The following MED17 variants were observed in gnomAD, a reference collection of about 807,000 sequenced individuals.
MED17 encodes mediator complex subunit 17.
In MED17, 49 loss-of-function variants were observed where a neutral mutation model predicts 80.8. The ratio of observed to expected loss-of-function variants is 0.61; its 90% CI spans 0.48 to 0.77. The LOEUF (loss-of-function observed/expected upper bound fraction) is 0.77. Ranked by LOEUF, MED17 falls within the 30% of genes least tolerant of loss-of-function variation. The probability of loss-of-function intolerance (pLI) is 0.00; values close to 1 mark genes in which losing one functional copy is unlikely to be tolerated. For synonymous variants in MED17, 281 were observed against 280.4 expected, an observed-to-expected ratio of 1.00 and a Z score of -0.02; for missense variants, 718 against 787.0, an observed-to-expected ratio of 0.91 and a Z score of 1.05.
chr11:93,809,776 A>T lies in MED17; in HGVS notation c.1644A>T (p.Val548=). 6.2e-7 allele frequency: 1 copy of T among 1,614,192 alleles called. No homozygotes were observed. The highest frequency in any genetic ancestry group is 8.5e-7 in the Non-Finnish European group (1 of 1,180,040). ...TCGCCAAGGTTATGGGCTGGCAAGTACTGAGCTTCAGTAATCATGTGGGAC... is the reference window on the plus strand; with the variant it reads ...TCGCCAAGGTTATGGGCTGGCAAGTTCTGAGCTTCAGTAATCATGTGGGAC... ...QQLAKVMGWQ[V]LSFSNHVGLG... Residue 548 remains valine, a synonymous_variant, in exon 11 of 12, where the codon GTA becomes GTT. Transcript: ENST00000251871.
In MED17 at chr11:93,784,651, G is replaced by C. The variant is rs1428350074; in HGVS notation, c.138G>C (p.Arg46=). The C allele has an allele frequency of 1.9e-6, 3 of 1,571,250 alleles. No homozygotes were observed. The East Asian group carries it at 7.0e-5, about 36-fold the overall frequency. ...MSQNLARLAQ[R]IDFSQGSGSE... ...AGAATCTGGCGCGTCTGGCCCAGCGGATAGACTTCAGCCAGGGTTCGGGCT... is the reference window on the plus strand; with the variant it reads ...AGAATCTGGCGCGTCTGGCCCAGCGCATAGACTTCAGCCAGGGTTCGGGCT... The change falls in exon 1 of 12, where the codon CGG becomes CGC. Residue 46 remains arginine (R), a synonymous_variant. Coordinates refer to ENST00000251871, the MANE Select transcript of MED17 (RefSeq NM_004268.5).
At chr11:93,804,387 C>T (rs1315423219) in intron 9 of MED17, among the ~76,000 whole-genome samples, 1 of 152,106 alleles carries the variant, frequency 6.6e-6, no homozygotes. Flanking sequence ...ACAGACACAC[C>T]TAGGACCAGT....
At position 93,811,879 on chromosome 11, in the gene MED17, A is replaced by G. The variant is rs1944088206; in HGVS notation, c.1771A>G (p.Lys591Glu). 6.2e-7 allele frequency: 1 copy of G among 1,614,050 alleles called. No individual in the cohort carries two copies. The highest frequency in any genetic ancestry group is 1.3e-5 in the African/African-American group (1 of 74,928). The change falls in exon 12 of 12, where the codon AAG (lysine) becomes GAG (glutamate). Residue 591 changes from lysine (K) to glutamate (E), a missense_variant. By Grantham distance (56) the Lys-to-Glu change is moderately conservative (BLOSUM62 1). Coordinates refer to ENST00000251871, the MANE Select transcript of MED17 (RefSeq NM_004268.5). Reference protein sequence around the residue: ...SVRNGPESGSKIMVQFPRNQC... With the variant: ...SVRNGPESGSEIMVQFPRNQC... ...TCGTAATGGACCTGAAAGTGGCAGC[A>G]AGATTATGGTTCAGTTTCCTCGTAA... is the stretch of plus-strand genomic sequence containing the variant.
intron 9 of MED17, chr11:93,806,195 A>C (rs1341589122): frequency 6.6e-6 from 1 of 151,696 alleles, no homozygotes; most frequent in Non-Finnish European, 1.5e-5. Context: ...GATAGTCTCG[A>C]TCTCTTGAGC....
chr11:93,793,072 G>A lies in MED17; in HGVS notation c.638-656G>A, dbSNP rs894413289. The A allele has an allele frequency of 1.0e-4, 15 of 144,708 alleles. No homozygotes were observed. In the Admixed American group the frequency reaches 1.1e-3, roughly 10 times the overall value. The allele number at this position is 144,708 out of a possible 1,614,324, so 9.0% of individuals were successfully genotyped here. Reference sequence around the variant, plus strand: ...ACCTTAGTAGAGAGGCTAAGCTCCAGAAGTATTTCATCCCCAAGGTTTCAT... The same window carrying A: ...ACCTTAGTAGAGAGGCTAAGCTCCAAAAGTATTTCATCCCCAAGGTTTCAT... On this transcript the variant is annotated intron_variant, in intron 3 of 11. Transcript: ENST00000251871.
chr11:93,809,135 G>A (rs1009409871), intron 10 of MED17: 3 of 166,424 alleles, frequency 1.8e-5, no homozygotes, highest in South Asian at 1.6e-4. Context: ...AAAGTTAAGA[G>A]GAAGGACAGA....
chr11:93,794,199 ATTTT>A (rs35300764), intron 5 of MED17, 164 bp downstream of exon 5: 575 of 325,972 alleles, frequency 1.8e-3, no homozygotes, highest in Middle Eastern at 3.9e-3. Flanking sequence ...TAGCTGTGCA[ATTTT>A]TTTTTTTTTT....
At chr11:93,807,818 A>T in intron 10 of MED17, 183 bp downstream of exon 10, 1 of 628,850 alleles carries the variant, frequency 1.6e-6, no homozygotes. Context: ...AACTGGAAGT[A>T]CTGATAAGCT....
At position 93,807,361 on chromosome 11, in the gene MED17, T is replaced by A; in HGVS notation, c.1467-157T>A. 11 of 607,208 alleles carry A rather than the reference T, an allele frequency of 1.8e-5. 1 individual carries two copies. In the South Asian group the frequency reaches 2.1e-4, roughly 12 times the overall value. The allele number at this position is 607,208 out of a possible 1,614,324, so 37.6% of individuals were successfully genotyped here. ...TCAGGAAGCGGAGGTTGCAGTGAGC[T>A]GAGATCACGCCACTGCACTCCAGCC... On this transcript the variant is annotated intron_variant, in intron 9 of 11. Coordinates refer to ENST00000251871, the MANE Select transcript of MED17 (RefSeq NM_004268.5).
chr11:93,801,832 A>G lies in MED17; in HGVS notation c.1329-3A>G. 1 of 1,613,160 alleles carries G rather than the reference A, an allele frequency of 6.2e-7. No homozygotes were observed. Among genetic ancestry groups the G allele is most frequent in the South Asian group, 1.1e-5 (1 of 90,992 alleles). ...AAGTTTTTTAACTTCTTGTATTTAA[A>G]AGAGCTGCTGCAACCATTGACAGCT... is the stretch of plus-strand genomic sequence containing the variant. On this transcript the variant is annotated splice_polypyrimidine_tract_variant and splice_region_variant and intron_variant, in intron 8 of 11. Transcript: ENST00000251871.
chr11:93,798,236 A>G (rs1275372914), intron 8 of MED17, among the ~76,000 whole-genome samples: 1 of 152,214 alleles, frequency 6.6e-6, no homozygotes, highest in Admixed American at 6.5e-5. Flanking sequence ...ACGAGGATTT[A>G]TGCCCAGGTC....
At chr11:93,788,346 T>C in intron 2 of MED17, 179 bp downstream of exon 2, 1 of 575,904 alleles carries the variant, frequency 1.7e-6, no homozygotes, top group South Asian at 2.0e-5. Context: ...TTTTTTATTA[T>C]ATACCTATGA....
At position 93,784,522 on chromosome 11, in the gene MED17, G is replaced by A; in HGVS notation, c.9G>A (p.Gly3=). The change falls in exon 1 of 12, where the codon GGG becomes GGA. Residue 3 remains glycine (G), a synonymous_variant. Transcript: ENST00000251871. The stretch of plus-strand genomic sequence containing the variant: ...TGGCCGACGCAGCCAGCATGTCCGG[G>A]GTGCGCGCAGTGCGGATCAGCATCG... MS[G]VRAVRISIES... 1 of 1,602,460 alleles carries A rather than the reference G, an allele frequency of 6.2e-7. No homozygotes were observed.
intron 5 of MED17, 143 bp downstream of exon 5, chr11:93,794,178 C>A (rs1591384936): frequency 6.4e-6 from 4 of 621,280 alleles, no homozygotes; most frequent in Non-Finnish European, 1.1e-5. Context: ...TATCAATAAA[C>A]TATTAGTGAA....
At chr11:93,788,269 T>A in intron 2 of MED17, 102 bp downstream of exon 2, 3 of 962,854 alleles carry the variant, frequency 3.1e-6, no homozygotes, top group Non-Finnish European at 4.7e-6. Flanking sequence ...CTTGCAAAAT[T>A]AAGTCCAGAT....
chr11:93,787,657 G>T (rs1375748845), intron 1 of MED17, among the ~76,000 whole-genome samples: 1 of 152,080 alleles, frequency 6.6e-6, no homozygotes, highest in Non-Finnish European at 1.5e-5. Flanking sequence ...GTACTTTTCT[G>T]TATTTTGGAA....
rs1322288767 is a variant in MED17, at chr11:93,814,647, A to G, written c.*2583A>G. 1 of 152,244 alleles carries G rather than the reference A, an allele frequency of 6.6e-6. No individual in the cohort carries two copies. The highest frequency in any genetic ancestry group is 1.5e-5 in the Non-Finnish European group (1 of 68,042). The allele number at this position is 152,244 out of a possible 1,614,324, so 9.4% of individuals were successfully genotyped here. ...TTAAATTCTAAAGTACTACATAAAT[A>G]TAAAGCATTAAGCAAGTGTGCTTCT... On this transcript the variant is annotated 3_prime_UTR_variant, in exon 12 of 12. Coordinates refer to ENST00000251871, the MANE Select transcript of MED17 (RefSeq NM_004268.5).
chr11:93,797,122 A>G (rs1160283755), intron 7 of MED17: 2 of 217,890 alleles, frequency 9.2e-6, no homozygotes, highest in African/African-American at 4.7e-5. Context: ...TGAAAGAACT[A>G]TTTACTGATT....
At chr11:93,793,619 C>A (rs1007790191) in intron 3 of MED17, 109 bp from the exon 4 acceptor site, 1 of 831,972 alleles carries the variant, frequency 1.2e-6, no homozygotes, top group Admixed American at 2.1e-5. Flanking sequence ...TTAGTGGGGA[C>A]TTACTTTGTG....
Sources: allele counts gnomAD v4.1 joint callset (sites outside exome capture counted in the v4.1 genomes callset), GRCh38; gene constraint gnomAD v4.1.1; transcripts MANE v1.5; gene names NCBI Gene and HGNC (gene_info 2026-07-23, HGNC 2026-07-21).